The following ANGPT4 variants were observed in gnomAD, a reference collection of about 807,000 sequenced individuals.
ANGPT4 encodes angiopoietin-4.
Under a neutral mutation model 53.0 loss-of-function variants are expected in ANGPT4, and 50 were observed. The observed-to-expected ratio is 0.94, with a 90% CI of 0.75 to 1.20. The LOEUF (loss-of-function observed/expected upper bound fraction) is 1.20. Among genes scored for constraint, ANGPT4 ranks in the 50% most tolerant of loss-of-function variants. The probability of loss-of-function intolerance (pLI) is 0.00; values close to 1 mark genes in which losing one functional copy is unlikely to be tolerated. For missense variants in ANGPT4, 648 were observed against 637.1 expected (o/e 1.02, Z -0.18); for synonymous variants, 251 against 259.7 (o/e 0.97, Z 0.32).
At chr20:878,424 A>G (rs569888499) in intron 6 of ANGPT4, 97 bp from the exon 7 acceptor site, 16 of 1,234,236 alleles carry the variant, frequency 1.3e-5, no homozygotes, top group Admixed American at 2.4e-5. Flanking sequence ...GGCTACTTAT[A>G]CAAAACCACT....
At position 909,011 on chromosome 20, in the gene ANGPT4, G is replaced by A. The variant is rs551862740; in HGVS notation, c.309+6895C>T. The stretch of plus-strand genomic sequence containing the variant: ...TTGCCCAGGCTTAGTGTTCCCATCT[G>A]TAAATGGTGGGCACAGAGAGGTGGT... On this transcript the variant is annotated intron_variant, in intron 1 of 8. Coordinates refer to ENST00000381922, the MANE Select transcript of ANGPT4 (RefSeq NM_015985.4). Among the ~76,000 whole-genome samples, 65 of 152,282 alleles carry A rather than the reference G, an allele frequency of 4.3e-4. No individual in the cohort carries two copies. The South Asian group carries it at 1.0e-2, about 23-fold the overall frequency.
intron 7 of ANGPT4, among the ~76,000 whole-genome samples, chr20:877,324 T>C (rs901315320): frequency 2.1e-4 from 32 of 152,224 alleles, no homozygotes; most frequent in Admixed American, 2.0e-3. Context: ...GTGTGAATCC[T>C]GGTTCAGAGA....
chr20:897,912 C>A (rs1407339318), intron 1 of ANGPT4, among the ~76,000 whole-genome samples: 2 of 152,188 alleles, frequency 1.3e-5, no homozygotes, highest in African/African-American at 4.8e-5. Flanking sequence ...ACAAACTCGA[C>A]AATTGTTCTA....
chr20:902,495 G>A (rs1240032461), intron 1 of ANGPT4, among the ~76,000 whole-genome samples: 1 of 152,184 alleles, frequency 6.6e-6, no homozygotes. Context: ...TCTCATTGCA[G>A]TGATTGCGGA....
At chr20:873,415 C>T (rs1051420656) in intron 8 of ANGPT4, among the ~76,000 whole-genome samples, 2 of 151,826 alleles carry the variant, frequency 1.3e-5, no homozygotes, top group African/African-American at 4.8e-5. Flanking sequence ...CCTCACTGAA[C>T]CTGTCTTTCC....
rs1000159103 is a variant in ANGPT4, at chr20:897,593, T to C, written c.310-7225A>G. Among the ~76,000 whole-genome samples, 10 of 152,312 alleles carry C rather than the reference T, an allele frequency of 6.6e-5. No homozygotes were observed. In the South Asian group the frequency reaches 8.3e-4, roughly 13 times the overall value. On this transcript the variant is annotated intron_variant, in intron 1 of 8. Transcript: ENST00000381922. ...GCCCTGATCATTCACCCACATTCCATTGGTGTCTGATCACCGGGGGGACAC... is the reference window on the plus strand; with the variant it reads ...GCCCTGATCATTCACCCACATTCCACTGGTGTCTGATCACCGGGGGGACAC...
In ANGPT4 at chr20:907,832, C is replaced by G. The variant is rs560161004; in HGVS notation, c.309+8074G>C. On this transcript the variant is annotated intron_variant, in intron 1 of 8. Transcript: ENST00000381922. ...AAAGTATGTTCTAGACACAGGGAGG[C>G]TTTGCTGGGGTATCTCCCCACGTGG... is the stretch of plus-strand genomic sequence containing the variant. Among the ~76,000 whole-genome samples the G allele has an allele frequency of 7.2e-5, 11 of 152,292 alleles. No individual in the cohort carries two copies. The South Asian group carries it at 2.1e-3, about 29-fold the overall frequency.
At chr20:892,613 T>C (rs1418575718) in intron 1 of ANGPT4, among the ~76,000 whole-genome samples, 1 of 147,426 alleles carries the variant, frequency 6.8e-6, no homozygotes, top group Non-Finnish European at 1.5e-5. Context: ...AAAAAAAGTA[T>C]AGAGAATAAA....
chr20:904,738 C>T (rs1374879392), intron 1 of ANGPT4, among the ~76,000 whole-genome samples: 1 of 152,150 alleles, frequency 6.6e-6, no homozygotes, highest in African/African-American at 2.4e-5. Context: ...GCGATCTTCC[C>T]ACCTCAGCCT....
Position 874,306 on chromosome 20 carries a change from C to T in ANGPT4, c.1329G>A (p.Lys443=). ...TACCTCCAGACATCACTTGGGCACA[C>T]TTGCAGAGACAGTGGTCGTTGTCTG... The part of the protein sequence containing the change: ...LDSDNDHCLC[K]CAQVMSGGWW... Residue 443 remains lysine (K), a synonymous_variant, in exon 8 of 9, where the codon AAG becomes AAA. Transcript: ENST00000381922. 2 of 1,614,222 alleles carry T rather than the reference C, an allele frequency of 1.2e-6. No homozygotes were observed. The highest frequency in any genetic ancestry group is 1.7e-6 in the Non-Finnish European group (2 of 1,180,042).
intron 3 of ANGPT4, among the ~76,000 whole-genome samples, chr20:885,833 G>A (rs137971757): frequency 1.3e-5 from 2 of 152,158 alleles, no homozygotes; most frequent in African/African-American, 2.4e-5. Flanking sequence ...CCAGGACTTG[G>A]GGCACATCAA....
intron 1 of ANGPT4, among the ~76,000 whole-genome samples, chr20:898,896 C>T (rs190772245): frequency 2.2e-3 from 329 of 152,310 alleles, no homozygotes; most frequent in African/African-American, 6.6e-3. Flanking sequence ...CCCATCTTTG[C>T]GGGACCCCAC....
Position 878,313 on chromosome 20 carries a change from T to G in ANGPT4, c.1068A>C (p.Pro356=), listed in dbSNP as rs1195606402. Residue 356 remains proline (P), a synonymous_variant, in exon 7 of 9, where the codon CCA becomes CCC. Coordinates refer to ENST00000381922, the MANE Select transcript of ANGPT4 (RefSeq NM_015985.4). The part of the protein sequence containing the change: ...WKDYKQGFGD[P]AGEHWLGNEV... Reference sequence around the variant, plus strand: ...CATTGCCCAGCCAGTGCTCCCCAGCTGGGTCTCCGAAGCCCTATAGGGAGG... The same window carrying G: ...CATTGCCCAGCCAGTGCTCCCCAGCGGGGTCTCCGAAGCCCTATAGGGAGG... 1.9e-6 allele frequency: 3 copies of G among 1,606,258 alleles called. No individual in the cohort carries two copies. The highest frequency in any genetic ancestry group is 2.6e-6 in the Non-Finnish European group (3 of 1,173,622).
intron 1 of ANGPT4, among the ~76,000 whole-genome samples, chr20:899,466 G>A (rs1982195500): frequency 6.6e-6 from 1 of 151,914 alleles, no homozygotes. Flanking sequence ...TGTTAGCCAG[G>A]ATATTCTCGA....
At chr20:915,213 T>A (rs1372262700) in intron 1 of ANGPT4, among the ~76,000 whole-genome samples, 1 of 146,522 alleles carries the variant, frequency 6.8e-6, no homozygotes, top group East Asian at 2.0e-4. Context: ...AAAGCTGAAG[T>A]CCTTCCAGTG....
At position 885,162 on chromosome 20, in the gene ANGPT4, G is replaced by A. The variant is rs753302256; in HGVS notation, c.751C>T (p.Leu251=). The part of the protein sequence containing the change: ...LRGVRHNSSL[L]QDQQHSLRQL... ...CGCAGGCTGTGCTGCTGGTCCTGCAGGAGGCTGGAGTTGTGCCTGACACCG... is the reference window on the plus strand; with the variant it reads ...CGCAGGCTGTGCTGCTGGTCCTGCAAGAGGCTGGAGTTGTGCCTGACACCG... The change falls in exon 4 of 9, where the codon CTG becomes TTG. Residue 251 remains leucine, a synonymous_variant. Coordinates refer to ENST00000381922, the MANE Select transcript of ANGPT4 (RefSeq NM_015985.4). 6.2e-7 allele frequency: 1 copy of A among 1,609,916 alleles called. No individual in the cohort carries two copies.
chr20:876,119 C>T (rs958574602), intron 7 of ANGPT4, among the ~76,000 whole-genome samples: 4 of 143,564 alleles, frequency 2.8e-5, no homozygotes, highest in Non-Finnish European at 6.0e-5. Context: ...GCACTCCAGC[C>T]TGGGCAACAG....
At chr20:877,198 G>A (rs1981202378) in intron 7 of ANGPT4, among the ~76,000 whole-genome samples, 1 of 152,220 alleles carries the variant, frequency 6.6e-6, no homozygotes, top group Non-Finnish European at 1.5e-5. Flanking sequence ...GATTCCTTGT[G>A]GGGAAGCGAC....
intron 1 of ANGPT4, among the ~76,000 whole-genome samples, chr20:906,567 T>C (rs529973496): frequency 2.6e-5 from 4 of 152,398 alleles, no homozygotes; most frequent in South Asian, 2.1e-4. Context: ...CCAGAGCTTA[T>C]AGAGGTTTAA....
Sources: gnomAD v4.1 joint callset for allele counts (sites outside exome capture counted in the v4.1 genomes callset) on GRCh38, gnomAD v4.1.1 for gene constraint, MANE v1.5 for transcripts, NCBI Gene and HGNC (gene_info 2026-07-23, HGNC 2026-07-21) for gene names.